The following LSS variants were observed in gnomAD, a reference collection of about 807,000 sequenced individuals.
LSS encodes lanosterol synthase.
LSS carries 90 observed loss-of-function variants against 110.3 expected under a neutral mutation model. The observed-to-expected ratio is 0.82, with a 90% confidence interval of 0.69 to 0.97. LSS has a LOEUF of 0.97. LSS is among the 50% of genes least tolerant of loss of function. The pLI is 0.00. For missense variants in LSS, 927 were observed against 990.0 expected (o/e 0.94, Z 0.85); for synonymous variants, 433 against 400.0 (o/e 1.08, Z -0.98).
At chr21:46,196,090 A>C in intron 18 of LSS, 112 bp downstream of exon 18, 1 of 1,117,644 alleles carries the variant, frequency 8.9e-7, no homozygotes, top group Non-Finnish European at 1.3e-6. Flanking sequence ...TCACTTCCAG[A>C]AACTTCTGGT....
rs2080063184 is a variant in LSS at position 46,207,295 on chromosome 21, C to T, written c.1467+133G>A. ...GAGCTCACAGTTCTCCACATATAGA[C>T]ACCATCCAAGGACAAGCTCCTACGG... On this transcript the variant is annotated intron_variant, in intron 15 of 21. Coordinates refer to ENST00000397728, the MANE Select transcript of LSS (RefSeq NM_002340.6). 1.1e-5 allele frequency: 12 copies of T among 1,115,202 alleles called. No homozygotes were observed. In the South Asian group the frequency reaches 1.7e-4, roughly 16 times the overall value. The allele number at this position is 1,115,202 out of a possible 1,614,324, so 69.1% of individuals were successfully genotyped here.
In LSS at chr21:46,213,855, G is replaced by A. The variant is rs773245766; in HGVS notation, c.1012-20C>T. On this transcript the variant is annotated intron_variant, in intron 9 of 21. Transcript: ENST00000397728. ...CGAGATCTGCAGGAGAGACAGCCCT[G>A]TCAAGGCTCCGCTCCAGACCCACAG... 1 of 1,585,410 alleles carries A rather than the reference G, an allele frequency of 6.3e-7. No individual in the cohort carries two copies. The highest frequency in any genetic ancestry group is 8.7e-7 in the Non-Finnish European group (1 of 1,155,750).
In LSS at chr21:46,189,592, G is replaced by A. The variant is rs1227452970; in HGVS notation, c.*1512C>T. ...GGTGCGGCACCTGGGTGAGAGCCCT[G>A]GACTGCACACCAAGGCAGAGGGGTG... On this transcript the variant is annotated 3_prime_UTR_variant, in exon 22 of 22. Transcript: ENST00000397728. The A allele has an allele frequency of 2.9e-5, 13 of 449,712 alleles. No homozygotes were observed. The East Asian group carries it at 7.6e-4, about 26-fold the overall frequency. The allele number at this position is 449,712 out of a possible 1,614,324, so 27.9% of individuals were successfully genotyped here.
Position 46,191,870 on chromosome 21 carries a change from T to C in LSS, c.2067+11A>G, listed in dbSNP as rs566149098. On this transcript the variant is annotated intron_variant, in intron 21 of 21. Transcript: ENST00000397728. ...GCTGGGCCTTGTGCGCTCAGGTCCC[T>C]GGCGGCATACCTGCGGCCAGTCGCC... 42 of 1,611,270 alleles carry C rather than the reference T, an allele frequency of 2.6e-5. No individual in the cohort carries two copies. The highest frequency in any genetic ancestry group is 3.3e-4 in the Middle Eastern group (2 of 6,058).
chr21:46,191,339 T>C (rs1294579644), intron 21 of LSS, 104 bp from the exon 22 acceptor site: 1 of 1,335,622 alleles, frequency 7.5e-7, no homozygotes, highest in African/African-American at 1.4e-5. Context: ...TGTGGGTGAG[T>C]CAGCCTGGAA....
At chr21:46,213,694 A>G (rs1569029950) in intron 10 of LSS, 44 bp downstream of exon 10, 2 of 1,548,406 alleles carry the variant, frequency 1.3e-6, no homozygotes, top group Admixed American at 1.8e-5. Context: ...GCTCAGATCC[A>G]GTCTTCGTGA....
Position 46,191,166 on chromosome 21 carries a change from T to G in LSS, c.2137A>C (p.Ile713Leu), listed in dbSNP as rs1162037172. 1 of 1,614,108 alleles carries G rather than the reference T, an allele frequency of 6.2e-7. No individual in the cohort carries two copies. The highest frequency in any genetic ancestry group is 1.7e-5 in the Admixed American group (1 of 60,014). ...TGGGAGAAGCGGCCGAGGGCCCAGA[T>G]GGGGAAGATGTTCCTGTAGCTCGTG... ...SYTSYRNIFP[I>L]WALGRFSQLY... Residue 713 changes from isoleucine to leucine, a missense_variant, in exon 22 of 22, where the codon ATC (isoleucine) becomes CTC (leucine). Coordinates refer to ENST00000397728, the MANE Select transcript of LSS (RefSeq NM_002340.6).
intron 20 of LSS, chr21:46,192,825 T>C (rs529194657): frequency 2.2e-6 from 1 of 448,468 alleles, no homozygotes; most frequent in African/African-American, 2.1e-5. Context: ...TCCATGTACG[T>C]ATGTCTGTGT....
At chr21:46,205,179 G>A (rs2080029032) in intron 17 of LSS, among the ~76,000 whole-genome samples, 1 of 152,208 alleles carries the variant, frequency 6.6e-6, no homozygotes, top group Admixed American at 6.5e-5. Context: ...AACCCAGACT[G>A]AAATCCTCCC....
chr21:46,205,939 C>G lies in LSS; in HGVS notation c.1567G>C (p.Asp523His). ...ACATAGGTGTAGTCAATCATGATGT[C>G]CCCTGGGAAAGGGAGGGAAGAACCA... ...ELLNPSEVFGDIMIDYTYVEC... is the reference protein window; with the variant it reads ...ELLNPSEVFGHIMIDYTYVEC... Residue 523 changes from aspartate (D) to histidine (H), a missense_variant and splice_region_variant, in exon 17 of 22, where the codon GAC becomes CAC. Coordinates refer to ENST00000397728, the MANE Select transcript of LSS (RefSeq NM_002340.6). 6.2e-7 allele frequency: 1 copy of G among 1,603,512 alleles called. No individual in the cohort carries two copies. Among genetic ancestry groups the G allele is most frequent in the African/African-American group, 1.3e-5 (1 of 74,916 alleles).
intron 20 of LSS, among the ~76,000 whole-genome samples, chr21:46,194,223 G>T (rs1257542202): frequency 2.0e-5 from 3 of 152,190 alleles, no homozygotes; most frequent in Non-Finnish European, 2.9e-5. Flanking sequence ...TGATGTGCTT[G>T]CTCTTCCACT....
At position 46,213,884 on chromosome 21, in the gene LSS, C is replaced by G. The variant is rs780886088; in HGVS notation, c.1012-49G>C. On this transcript the variant is annotated intron_variant, in intron 9 of 21. Transcript: ENST00000397728. ...AGGCTCCGCTCCAGACCCACAGCAG[C>G]CTCCAGGGACAAGGTCTCGTCCAGA... 23 of 1,339,722 alleles carry G rather than the reference C, an allele frequency of 1.7e-5. 1 individual carries two copies. The African/African-American group carries it at 3.0e-4, about 18-fold the overall frequency. 83.0% of individuals were successfully genotyped at this position (1,339,722 alleles called of 1,614,324 possible). A position where few individuals can be genotyped will look rare whatever the true frequency, so the allele number is the denominator to read the frequency against.
chr21:46,217,773 T>C (rs936046520), intron 6 of LSS, among the ~76,000 whole-genome samples: 1 of 152,192 alleles, frequency 6.6e-6, no homozygotes, highest in African/African-American at 2.4e-5. Flanking sequence ...CCTCCTGCCC[T>C]GGCAGCTGTG....
In LSS at chr21:46,189,098, G is replaced by T. The variant is rs541088205; in HGVS notation, c.*2006C>A. The T allele has an allele frequency of 1.1e-4, 29 of 253,350 alleles. No homozygotes were observed. The Admixed American group carries it at 1.3e-3, about 11-fold the overall frequency. 15.7% of individuals were successfully genotyped at this position (253,350 alleles called of 1,614,324 possible). A position where few individuals can be genotyped will look rare whatever the true frequency, so the allele number is the denominator to read the frequency against. Reference sequence around the variant, plus strand: ...ACCCCAAATCTGCAGTTCTCCCCAGGATGAAACGAAACACAGTGTGACAGG... The same window carrying T: ...ACCCCAAATCTGCAGTTCTCCCCAGTATGAAACGAAACACAGTGTGACAGG... On this transcript the variant is annotated 3_prime_UTR_variant, in exon 22 of 22. Transcript: ENST00000397728.
rs181062412 is a variant in LSS, at chr21:46,195,649, C to T, written c.1817+27G>A. 5 of 1,602,280 alleles carry T rather than the reference C, an allele frequency of 3.1e-6. No homozygotes were observed. In the Admixed American group the frequency reaches 6.7e-5, roughly 21 times the overall value. Reference sequence around the variant, plus strand: ...CAGAGCATTGGGTTGAGAACCCCCACCCACCAGAGGACAGGCACTCACTCA... The same window carrying T: ...CAGAGCATTGGGTTGAGAACCCCCATCCACCAGAGGACAGGCACTCACTCA... On this transcript the variant is annotated intron_variant, in intron 19 of 21. Transcript: ENST00000397728.
chr21:46,225,896 G>T (rs138419076), intron 3 of LSS, among the ~76,000 whole-genome samples: 58 of 152,206 alleles, frequency 3.8e-4, no homozygotes, highest in Non-Finnish European at 7.5e-4. Context: ...CGGTTTCCAC[G>T]TCTTGGTGGT....
At chr21:46,191,358 T>A in intron 21 of LSS, 123 bp from the exon 22 acceptor site, 1 of 1,061,850 alleles carries the variant, frequency 9.4e-7, no homozygotes, top group Non-Finnish European at 1.4e-6. Flanking sequence ...AAAGGGCTAA[T>A]TAAGCAAGAG....
chr21:46,207,762 A>G (rs891536913), intron 14 of LSS, among the ~76,000 whole-genome samples, 185 bp from the exon 15 acceptor site: 9 of 152,168 alleles, frequency 5.9e-5, no homozygotes, highest in Non-Finnish European at 1.3e-4. Context: ...TCCAGCTTCC[A>G]GCACAGGGAC....
rs1321663403 is a variant in LSS at position 46,209,471 on chromosome 21, T to C, written c.1266+83A>G. On this transcript the variant is annotated intron_variant, in intron 13 of 21. Transcript: ENST00000397728. This position sits in a 1 kb window ranked among gnomAD's most constrained non-coding sequence, Gnocchi z 4.4. ...TGCAGGAAATAGGGCAGGGTGGAGGTGAGGTGGGCACTTCTGCCTGCAGGA... is the reference window on the plus strand; with the variant it reads ...TGCAGGAAATAGGGCAGGGTGGAGGCGAGGTGGGCACTTCTGCCTGCAGGA... 1.1e-5 allele frequency: 14 copies of C among 1,255,396 alleles called. No individual in the cohort carries two copies. Among genetic ancestry groups the C allele is most frequent in the Non-Finnish European group, 1.6e-5 (14 of 897,866 alleles). 77.8% of individuals were successfully genotyped at this position (1,255,396 alleles called of 1,614,324 possible).
Sources: gnomAD v4.1 joint callset for allele counts (sites outside exome capture counted in the v4.1 genomes callset) on GRCh38, gnomAD v4.1.1 for gene constraint, Gnocchi (gnomAD v3.1) non-coding constraint, MANE v1.5 for transcripts, NCBI Gene and HGNC (gene_info 2026-07-23, HGNC 2026-07-21) for gene names.